Variants in CDH3 observed in about 807,000 individuals in gnomAD.
CDH3 encodes the protein cadherin-3.
Under a neutral mutation model 82.0 loss-of-function variants are expected in CDH3, and 54 were observed. The ratio of observed to expected loss-of-function variants is 0.66; its 90% confidence interval spans 0.53 to 0.83. CDH3 has a LOEUF of 0.83. Ranked by LOEUF, CDH3 falls within the 40% of genes least tolerant of loss-of-function variation. The pLI is 0.00. For missense variants in CDH3, 1,054 were observed against 1,084.6 expected (o/e 0.97, Z 0.40); for synonymous variants, 446 against 437.9 (o/e 1.02, Z -0.23).
the CDH3 span, among the ~76,000 whole-genome samples, chr16:68,732,525 G>A: frequency 6.6e-6 from 1 of 152,232 alleles, no homozygotes; most frequent in Non-Finnish European, 1.5e-5. Flanking sequence ...TCTGCCAGGT[G>A]ACAGGGTCTC....
rs188708058 is a variant in CDH3, at chr16:68,707,246, C to G, written c.99+11323C>G. 6.6e-6 allele frequency among the ~76,000 whole-genome samples: 1 copy of G among 152,070 alleles called. No homozygotes were observed. Among genetic ancestry groups the G allele is most frequent in the African/African-American group, 2.4e-5 (1 of 41,424 alleles). The stretch of plus-strand genomic sequence containing the variant: ...AGCAGAGGGACGGGTTGAGATGGGT[C>G]GAGAGTGTGTGCAGAGATGAGGTTG... On this transcript the variant is annotated intron_variant, in intron 1 of 2. Coordinates refer to the CDH3 transcript ENST00000569080. The surrounding 1 kb of genome is among the most constrained non-coding windows in gnomAD (Gnocchi z 4.5).
chr16:68,706,073 A>AG (rs1961959482), intron 1 of CDH3, among the ~76,000 whole-genome samples: 1 of 151,726 alleles, frequency 6.6e-6, no homozygotes, highest in South Asian at 2.1e-4. Flanking sequence ...TCAAAAAAAA[A>AG]AAAAAAAAAA....
chr16:68,715,758 G>T (rs906449834), intron 1 of CDH3, among the ~76,000 whole-genome samples: 2 of 152,218 alleles, frequency 1.3e-5, no homozygotes, highest in African/African-American at 4.8e-5. Flanking sequence ...CTCTGGAGTA[G>T]CGTAAGAAAC....
intron 10 of CDH3, 28 bp from the exon 11 acceptor site, chr16:68,685,177 T>A (rs1468016423): frequency 1.2e-6 from 2 of 1,613,058 alleles, no homozygotes; most frequent in African/African-American, 2.7e-5. Context: ...ATATTCTGGA[T>A]GTACTCGTCT....
intron 13 of CDH3, among the ~76,000 whole-genome samples, chr16:68,693,131 G>T (rs1961620220): frequency 6.6e-6 from 1 of 152,132 alleles, no homozygotes; most frequent in Admixed American, 6.6e-5. Context: ...AAAGAAAGTA[G>T]GAAATTAGGT....
chr16:68,731,971 T>G (rs1176361363), downstream of CDH3, among the ~76,000 whole-genome samples: 1 of 152,162 alleles, frequency 6.6e-6, no homozygotes, highest in African/African-American at 2.4e-5. Context: ...TGGGGCTGGG[T>G]GATGAATACC....
downstream of CDH3, among the ~76,000 whole-genome samples, chr16:68,727,994 G>T (rs2902186): frequency 0.85 from 130,041 of 152,154 alleles, 55,755 homozygotes; most frequent in Non-Finnish European, 0.89. Flanking sequence ...GGTGAGACAA[G>T]GCGTACTATA....
At chr16:68,720,532 G>T (rs1253074628) in intron 1 of CDH3, among the ~76,000 whole-genome samples, 1 of 152,068 alleles carries the variant, frequency 6.6e-6, no homozygotes, top group Non-Finnish European at 1.5e-5. Flanking sequence ...TGAGCACTGA[G>T]TCACTGCCAG....
At chr16:68,682,618 TC>T (rs1961265799) in intron 9 of CDH3, 131 bp downstream of exon 9, 2 of 827,478 alleles carry the variant, frequency 2.4e-6, no homozygotes, top group African/African-American at 3.3e-5. Context: ...CCAACACTGT[TC>T]TACCACTCTT....
chr16:68,730,255 G>A (rs9989399), downstream of CDH3, among the ~76,000 whole-genome samples: 71,797 of 145,592 alleles, frequency 0.49, 18,629 homozygotes, highest in Non-Finnish European at 0.59. Context: ...AGCCGGGCAC[G>A]GTGGCTCATG....
chr16:68,651,615 C>G, intron 2 of CDH3: 1 of 507,464 alleles, frequency 2.0e-6, no homozygotes, highest in Non-Finnish European at 3.9e-6. Context: ...CATGTTCCCA[C>G]TCTCAAACAG....
chr16:68,650,200 A>T (rs1283927057), intron 2 of CDH3, among the ~76,000 whole-genome samples: 1 of 152,142 alleles, frequency 6.6e-6, no homozygotes, highest in Non-Finnish European at 1.5e-5. Context: ...GCCACTCAGG[A>T]GCCTGACATA....
At chr16:68,647,859 G>T (rs1029772520) in intron 2 of CDH3, among the ~76,000 whole-genome samples, 2 of 152,096 alleles carry the variant, frequency 1.3e-5, no homozygotes, top group Non-Finnish European at 2.9e-5. Flanking sequence ...GGAACGTATA[G>T]ACTCTCAAGT....
At chr16:68,694,620 C>G (rs62057800) in intron 13 of CDH3, among the ~76,000 whole-genome samples, 83,684 of 136,268 alleles carry the variant, frequency 0.61, 23,978 homozygotes, top group Non-Finnish European at 0.66. Context: ...GAGACTCTGT[C>G]TCAAAAAAAA....
intron 2 of CDH3, among the ~76,000 whole-genome samples, chr16:68,664,284 GAT>G (rs772178569): frequency 2.6e-5 from 4 of 152,284 alleles, no homozygotes; most frequent in South Asian, 4.1e-4. Context: ...ATCCAAAAGA[GAT>G]ACTGAATAGA....
At chr16:68,694,129 C>T (rs1961644198) in intron 13 of CDH3, among the ~76,000 whole-genome samples, 1 of 151,538 alleles carries the variant, frequency 6.6e-6, no homozygotes, top group Non-Finnish European at 1.5e-5. Flanking sequence ...CACTGCATTC[C>T]AGCCTGGGTG....
chr16:68,664,841 G>A (rs906805814), intron 2 of CDH3, among the ~76,000 whole-genome samples: 8 of 151,872 alleles, frequency 5.3e-5, no homozygotes, highest in African/African-American at 1.9e-4. Flanking sequence ...GTAGAGATGG[G>A]GTTTCGCCAT....
Position 68,687,721 on chromosome 16 carries a change from G to A in CDH3, c.1780G>A (p.Glu594Lys), listed in dbSNP as rs1423370223. 2 of 1,613,798 alleles carry A rather than the reference G, an allele frequency of 1.2e-6. No individual in the cohort carries two copies. The highest frequency in any genetic ancestry group is 3.3e-5 in the Admixed American group (2 of 60,032). Residue 594 changes from glutamate to lysine, a missense_variant, in exon 12 of 16, where the codon GAG (glutamate) becomes AAG (lysine). Physicochemically the swap from Glu to Lys is moderately conservative, Grantham distance 56. Coordinates refer to ENST00000264012, the MANE Select transcript of CDH3 (RefSeq NM_001793.6). ...TDDSDIYWTA[E>K]VNEEGDTVVL... The stretch of plus-strand genomic sequence containing the variant: ...TGACTCAGACATCTACTGGACGGCA[G>A]AGGTCAACGAGGAAGGTACCTGAGT...
chr16:68,660,655 G>A (rs1370513527), intron 2 of CDH3, among the ~76,000 whole-genome samples: 7 of 152,134 alleles, frequency 4.6e-5, no homozygotes, highest in African/African-American at 1.4e-4. Context: ...TATAAAGGAT[G>A]CATTCTTGAA....
Sources: allele counts gnomAD v4.1 joint callset (sites outside exome capture counted in the v4.1 genomes callset), GRCh38; gene constraint gnomAD v4.1.1; non-coding constraint Gnocchi (gnomAD v3.1); transcripts MANE v1.5; gene names NCBI Gene and HGNC (gene_info 2026-07-23, HGNC 2026-07-21).